PPARGC1A: variants seen among roughly 807,000 people sequenced by gnomAD.
PPARGC1A encodes PPARG coactivator 1 alpha.
Under a neutral mutation model 88.7 loss-of-function variants are expected in PPARGC1A, and 25 were observed. The ratio of observed to expected loss-of-function variants is 0.28; its 90% CI spans 0.21 to 0.39. PPARGC1A has a LOEUF of 0.39. Ranked by LOEUF, PPARGC1A falls within the 10% of genes least tolerant of loss-of-function variation. The pLI, the probability that PPARGC1A is intolerant of heterozygous loss-of-function variation, is 1.00. For synonymous variants in PPARGC1A, 363 were observed against 355.6 expected, an observed-to-expected ratio of 1.02 and a Z score of -0.24; for missense variants, 880 against 968.7, an observed-to-expected ratio of 0.91 and a Z score of 1.22.
the PPARGC1A span, among the ~76,000 whole-genome samples, chr4:24,016,209 C>T: frequency 1.3e-5 from 2 of 152,086 alleles, no homozygotes; most frequent in Non-Finnish European, 2.9e-5. Flanking sequence ...TTTGAATCAC[C>T]AATACATATG....
the PPARGC1A span, among the ~76,000 whole-genome samples, chr4:24,093,434 C>T: frequency 2.0e-5 from 3 of 152,156 alleles, no homozygotes; most frequent in Non-Finnish European, 4.4e-5. Context: ...CTATACCTTC[C>T]ACCTCATCTC....
At chr4:24,290,179 G>A in the PPARGC1A span, among the ~76,000 whole-genome samples, 1 of 151,862 alleles carries the variant, frequency 6.6e-6, no homozygotes, top group South Asian at 2.1e-4. Flanking sequence ...ATTTGGGTGG[G>A]GACACAGCCA....
chr4:24,356,322 G>A, the PPARGC1A span, among the ~76,000 whole-genome samples: 12 of 152,252 alleles, frequency 7.9e-5, no homozygotes, highest in Non-Finnish European at 1.2e-4. Context: ...GTCACTTCAC[G>A]GGAAGGCCCA....
the PPARGC1A span, among the ~76,000 whole-genome samples, chr4:23,934,405 A>G: frequency 6.6e-6 from 1 of 152,176 alleles, no homozygotes; most frequent in Non-Finnish European, 1.5e-5. Context: ...CCGTGCTAGT[A>G]GACAGCATGG....
chr4:24,173,529 GCAA>G, the PPARGC1A span, among the ~76,000 whole-genome samples: 1 of 152,016 alleles, frequency 6.6e-6, no homozygotes. Context: ...AGACTCTGTT[GCAA>G]CAACAACAAA....
At chr4:23,982,037 G>C in the PPARGC1A span, among the ~76,000 whole-genome samples, 1 of 152,084 alleles carries the variant, frequency 6.6e-6, no homozygotes, top group Non-Finnish European at 1.5e-5. Flanking sequence ...CACACATCAA[G>C]AAAATGACAC....
At chr4:23,814,798 C>T (rs987115462) in intron 7 of PPARGC1A, among the ~76,000 whole-genome samples, 193 bp from the exon 8 acceptor site, 2 of 152,042 alleles carry the variant, frequency 1.3e-5, no homozygotes. Context: ...GCCTCTGTCA[C>T]CAAGAAAAGA....
At chr4:23,814,915 C>T (rs375989230) in intron 7 of PPARGC1A, among the ~76,000 whole-genome samples, 3 of 152,028 alleles carry the variant, frequency 2.0e-5, no homozygotes, top group African/African-American at 4.8e-5. Context: ...CTGGCCTGCA[C>T]GGAACTAGGC....
the PPARGC1A span, among the ~76,000 whole-genome samples, chr4:24,047,474 T>C: frequency 6.6e-6 from 1 of 152,214 alleles, no homozygotes; most frequent in Non-Finnish European, 1.5e-5. Flanking sequence ...CATATATCTA[T>C]TTGAATCTTC....
chr4:24,194,657 C>T, the PPARGC1A span, among the ~76,000 whole-genome samples: 1 of 19,298 alleles, frequency 5.2e-5, no homozygotes, highest in Non-Finnish European at 1.5e-4. Flanking sequence ...CACACACACA[C>T]ACACACACAC....
chr4:23,877,920 T>A (rs570252112), intron 2 of PPARGC1A: 1 of 152,352 alleles, frequency 6.6e-6, no homozygotes, highest in Admixed American at 6.5e-5. Context: ...GTATAAGGTC[T>A]CCACACAGAC....
chr4:23,899,161 T>G (rs1161350186), intron 1 of PPARGC1A: 2 of 152,232 alleles, frequency 1.3e-5, no homozygotes, highest in Non-Finnish European at 2.9e-5. Context: ...AGGTGGACCT[T>G]TCTACCATCC....
chr4:24,124,948 G>C, the PPARGC1A span, among the ~76,000 whole-genome samples: 1 of 152,098 alleles, frequency 6.6e-6, no homozygotes, highest in Non-Finnish European at 1.5e-5. Flanking sequence ...CCTGGATCTT[G>C]CAATTTCTCA....
chr4:23,994,327 G>A, the PPARGC1A span, among the ~76,000 whole-genome samples: 1 of 152,122 alleles, frequency 6.6e-6, no homozygotes, highest in East Asian at 1.9e-4. Context: ...TCAGCAGAGA[G>A]ACTTTAAAGT....
chr4:24,204,112 A>G, the PPARGC1A span, among the ~76,000 whole-genome samples: 1 of 152,142 alleles, frequency 6.6e-6, no homozygotes, highest in Non-Finnish European at 1.5e-5. Context: ...TTGCACAATC[A>G]GCCAGCTGAC....
At chr4:24,362,106 C>G in the PPARGC1A span, among the ~76,000 whole-genome samples, 5 of 152,226 alleles carry the variant, frequency 3.3e-5, no homozygotes, top group Admixed American at 3.3e-4. Context: ...ATATTCTTCA[C>G]ATTGTTGTCC....
chr4:24,280,500 A>G, the PPARGC1A span, among the ~76,000 whole-genome samples: 1 of 152,108 alleles, frequency 6.6e-6, no homozygotes, highest in Non-Finnish European at 1.5e-5. Flanking sequence ...GAGAAGAAGA[A>G]AGGAAGGAAG....
At chr4:24,393,527 G>A in the PPARGC1A span, among the ~76,000 whole-genome samples, 2 of 152,196 alleles carry the variant, frequency 1.3e-5, no homozygotes, top group African/African-American at 2.4e-5. Flanking sequence ...CTATGGGCAT[G>A]CGTGATTAAC....
the PPARGC1A span, among the ~76,000 whole-genome samples, chr4:24,009,417 G>A: frequency 6.6e-6 from 1 of 152,120 alleles, no homozygotes; most frequent in Non-Finnish European, 1.5e-5. Flanking sequence ...TGAGGGTTAT[G>A]AGGCAATGTG....
Sources: gnomAD v4.1 joint callset for allele counts (sites outside exome capture counted in the v4.1 genomes callset) on GRCh38, gnomAD v4.1.1 for gene constraint, MANE v1.5 for transcripts, NCBI Gene and HGNC (gene_info 2026-07-23, HGNC 2026-07-21) for gene names.